Variants in CSMD1 observed in about 807,000 individuals in gnomAD.
CSMD1 encodes the protein CUB and sushi domain-containing protein 1.
CSMD1 carries 213 observed loss-of-function variants against 417.5 expected under a neutral mutation model. That is an observed-to-expected ratio of 0.51 (90% CI 0.46 to 0.57). CSMD1 has a LOEUF of 0.57. Ranked by LOEUF, CSMD1 falls within the 20% of genes least tolerant of loss-of-function variation. CSMD1 has a pLI of 0.00. For synonymous variants in CSMD1, 2,862 were observed against 1,736.8 expected (o/e 1.65, Z -16.11); for missense variants, 6,923 against 4,529.7 (o/e 1.53, Z -15.17).
chr8:4,002,637 A>G (rs115231444), intron 4 of CSMD1, among the ~76,000 whole-genome samples: 1 of 152,226 alleles, frequency 6.6e-6, no homozygotes, highest in Non-Finnish European at 1.5e-5. Flanking sequence ...GCTCCCACAT[A>G]TCGCTAAAGG....
At chr8:3,478,451 T>C (rs771415579) in intron 11 of CSMD1, among the ~76,000 whole-genome samples, 1 of 152,126 alleles carries the variant, frequency 6.6e-6, no homozygotes, top group African/African-American at 2.4e-5. Context: ...CCCCTCTGTG[T>C]AAAACACAAA....
At chr8:3,537,877 A>G (rs569092529) in intron 10 of CSMD1, among the ~76,000 whole-genome samples, 1 of 152,232 alleles carries the variant, frequency 6.6e-6, no homozygotes, top group Non-Finnish European at 1.5e-5. Context: ...CTCTTCTCCC[A>G]TATTTCATTG....
intron 54 of CSMD1, among the ~76,000 whole-genome samples, chr8:2,987,796 TC>T (rs1806053889): frequency 6.6e-6 from 1 of 152,152 alleles, no homozygotes; most frequent in Admixed American, 6.5e-5. Flanking sequence ...AGTCTCAGGG[TC>T]CCTGGGCTCA....
intron 1 of CSMD1, among the ~76,000 whole-genome samples, chr8:4,817,170 C>T (rs1184119521): frequency 1.3e-5 from 2 of 152,200 alleles, no homozygotes; most frequent in East Asian, 3.9e-4. Flanking sequence ...CATGTATACA[C>T]ACTATACTCA....
At chr8:3,086,362 A>C (rs1239757623) in intron 49 of CSMD1, among the ~76,000 whole-genome samples, 1 of 152,172 alleles carries the variant, frequency 6.6e-6, no homozygotes, top group East Asian at 1.9e-4. Flanking sequence ...AGTCAAAGGC[A>C]CCTACAATAA....
rs529905289 is a variant in CSMD1, at chr8:4,507,392, T to C, written c.303-87327A>G. On this transcript the variant is annotated intron_variant, in intron 2 of 69. Transcript: ENST00000635120. ...TAGATAGTTGGTGCTATATATAACA[T>C]AGACTCCAAATATTTGTTCTGCTCA... 4.7e-4 allele frequency among the ~76,000 whole-genome samples: 71 copies of C among 152,334 alleles called. 1 individual carries two copies. The highest frequency in any genetic ancestry group is 1.6e-3 in the African/African-American group (66 of 41,588).
intron 1 of CSMD1, among the ~76,000 whole-genome samples, chr8:4,711,265 T>C (rs975775466): frequency 6.6e-6 from 1 of 152,156 alleles, no homozygotes; most frequent in African/African-American, 2.4e-5. Flanking sequence ...TCATCACACT[T>C]ATAAAAGAGC....
intron 3 of CSMD1, among the ~76,000 whole-genome samples, chr8:4,168,688 TATTA>T (rs1797593774): frequency 6.6e-6 from 1 of 152,170 alleles, no homozygotes; most frequent in South Asian, 2.1e-4. Context: ...AAAATGCTGT[TATTA>T]ATTCTTTTTT....
Position 4,917,998 on chromosome 8 carries a change from A to T in CSMD1, c.85+76334T>A, listed in dbSNP as rs531253328. On this transcript the variant is annotated intron_variant, in intron 1 of 69. Transcript: ENST00000635120. Reference sequence around the variant, plus strand: ...AGTATTGTTACTGTCTGTGATAACAAAGCTGAAATGACAGAAAAATCACTT... The same window carrying T: ...AGTATTGTTACTGTCTGTGATAACATAGCTGAAATGACAGAAAAATCACTT... 2.0e-5 allele frequency among the ~76,000 whole-genome samples: 3 copies of T among 152,370 alleles called. No homozygotes were observed. In the South Asian group the frequency reaches 6.2e-4, roughly 32 times the overall value.
chr8:4,721,947 A>G (rs187053334), intron 1 of CSMD1, among the ~76,000 whole-genome samples: 15 of 152,222 alleles, frequency 9.9e-5, no homozygotes, highest in African/African-American at 3.6e-4. Flanking sequence ...AATTTATTTC[A>G]TATCTATAAT....
At chr8:3,156,442 C>T (rs949244430) in intron 39 of CSMD1, among the ~76,000 whole-genome samples, 1 of 152,100 alleles carries the variant, frequency 6.6e-6, no homozygotes, top group Non-Finnish European at 1.5e-5. Flanking sequence ...GTCTCTGTCA[C>T]CAAAGCCTTT....
chr8:3,558,953 A>G (rs533264452), intron 10 of CSMD1, among the ~76,000 whole-genome samples: 3 of 152,296 alleles, frequency 2.0e-5, no homozygotes, highest in East Asian at 1.9e-4. Context: ...GTAGCCCAGT[A>G]TGACGGCAGA....
intron 12 of CSMD1, among the ~76,000 whole-genome samples, chr8:3,430,785 T>C (rs1814169288): frequency 6.6e-6 from 1 of 152,134 alleles, no homozygotes; most frequent in Non-Finnish European, 1.5e-5. Context: ...GCAGCCTGGG[T>C]AACAGAACGA....
chr8:3,953,572 A>T (rs1217007179), intron 5 of CSMD1, among the ~76,000 whole-genome samples: 1 of 152,072 alleles, frequency 6.6e-6, no homozygotes. Flanking sequence ...TGGGATAGAT[A>T]ATTGGAGCTA....
At chr8:3,210,636 A>T (rs1376927243) in intron 30 of CSMD1, among the ~76,000 whole-genome samples, 1 of 148,628 alleles carries the variant, frequency 6.7e-6, no homozygotes, top group Non-Finnish European at 1.5e-5. Context: ...ATATATATAA[A>T]GTGTATATAC....
At chr8:3,913,004 G>C (rs1264310791) in intron 5 of CSMD1, among the ~76,000 whole-genome samples, 2 of 152,148 alleles carry the variant, frequency 1.3e-5, no homozygotes, top group African/African-American at 4.8e-5. Flanking sequence ...CTACGCACTG[G>C]TGACTATAAT....
chr8:2,955,283 T>C (rs774023250), intron 64 of CSMD1, among the ~76,000 whole-genome samples: 4 of 152,250 alleles, frequency 2.6e-5, no homozygotes, highest in Non-Finnish European at 5.9e-5. Flanking sequence ...TCCTTTTAAC[T>C]CAGAATGCTT....
chr8:3,193,275 G>C (rs1796520691), intron 33 of CSMD1, among the ~76,000 whole-genome samples: 1 of 152,140 alleles, frequency 6.6e-6, no homozygotes, highest in African/African-American at 2.4e-5. Flanking sequence ...GAATTTCAGA[G>C]TGGTCTATTT....
At chr8:4,242,903 C>T (rs1401268780) in intron 3 of CSMD1, among the ~76,000 whole-genome samples, 2 of 152,134 alleles carry the variant, frequency 1.3e-5, no homozygotes, top group African/African-American at 4.8e-5. Context: ...AATGTATGTT[C>T]TAAAACTTTT....
Sources: allele counts gnomAD v4.1 joint callset (sites outside exome capture counted in the v4.1 genomes callset), GRCh38; gene constraint gnomAD v4.1.1; transcripts MANE v1.5; gene names NCBI Gene and HGNC (gene_info 2026-07-23, HGNC 2026-07-21).